The following SMYD2 variants were observed in gnomAD, a reference collection of about 807,000 sequenced individuals.
SMYD2 encodes the protein N-lysine methyltransferase SMYD2.
In SMYD2, 53 loss-of-function variants were observed where a neutral mutation model predicts 59.1. That is an observed-to-expected ratio of 0.90 (90% CI 0.72 to 1.13). The LOEUF (loss-of-function observed/expected upper bound fraction) is 1.13. Among genes scored for constraint, SMYD2 ranks in the 50% most tolerant of loss-of-function variants. SMYD2 has a pLI of 0.00. For synonymous variants in SMYD2, 208 were observed against 198.8 expected (o/e 1.05, Z -0.39); for missense variants, 494 against 544.7 (o/e 0.91, Z 0.93).
chr1:214,331,086 G>C lies in SMYD2; in HGVS notation c.937+16G>C. 1.2e-6 allele frequency: 2 copies of C among 1,612,210 alleles called. No individual in the cohort carries two copies. Among genetic ancestry groups the C allele is most frequent in the South Asian group, 1.1e-5 (1 of 91,008 alleles). On this transcript the variant is annotated intron_variant, in intron 9 of 11. Transcript: ENST00000366957. ...CACTATAAATATATCCTTTACAACT[G>C]CCCTGATAGCTTATTATCCCTCGCC...
intron 7 of SMYD2, among the ~76,000 whole-genome samples, chr1:214,328,477 G>A (rs1657297754): frequency 6.6e-6 from 1 of 152,048 alleles, no homozygotes; most frequent in East Asian, 1.9e-4. Flanking sequence ...CTCATGAGAC[G>A]TCTCACCTGG....
At chr1:214,311,945 C>A (rs1657004310) in intron 2 of SMYD2, among the ~76,000 whole-genome samples, 1 of 152,106 alleles carries the variant, frequency 6.6e-6, no homozygotes, top group African/African-American at 2.4e-5. Context: ...GTCCCCATAT[C>A]CTCTCAGGTA....
chr1:214,300,757 C>T lies in SMYD2; in HGVS notation c.174-4430C>T, dbSNP rs1571923004. ...ATTCTGCCACCTAGTTGCAGAATGA[C>T]CATGTTAGATTAGTTGTTTCATGTC... On this transcript the variant is annotated intron_variant, in intron 1 of 11. Coordinates refer to ENST00000366957, the MANE Select transcript of SMYD2 (RefSeq NM_020197.3). Among the ~76,000 whole-genome samples the T allele has an allele frequency of 2.0e-5, 3 of 152,136 alleles. No individual in the cohort carries two copies. The East Asian group carries it at 5.8e-4, about 29-fold the overall frequency.
chr1:214,288,461 C>G (rs1022722500), intron 1 of SMYD2, among the ~76,000 whole-genome samples: 1 of 152,130 alleles, frequency 6.6e-6, no homozygotes, highest in African/African-American at 2.4e-5. Context: ...CTTCCTGTGC[C>G]CCCCTTTGGC....
intron 1 of SMYD2, among the ~76,000 whole-genome samples, chr1:214,291,884 C>T (rs2102455038): frequency 6.6e-6 from 1 of 152,262 alleles, no homozygotes; most frequent in African/African-American, 2.4e-5. Flanking sequence ...CCTACCCATA[C>T]ACCTGAGTAA....
chr1:214,334,315 C>A lies in SMYD2; in HGVS notation c.1221+7C>A. ...GGAGAAAGCCCTGAAGAAGGTATGT[C>A]TGTAACTCGGCCTTAGGATTCCCAG... On this transcript the variant is annotated splice_region_variant and intron_variant, in intron 11 of 11. Coordinates refer to ENST00000366957, the MANE Select transcript of SMYD2 (RefSeq NM_020197.3). 1 of 1,612,184 alleles carries A rather than the reference C, an allele frequency of 6.2e-7. No individual in the cohort carries two copies. Among genetic ancestry groups the A allele is most frequent in the South Asian group, 1.1e-5 (1 of 91,010 alleles).
chr1:214,323,389 A>G (rs1657203718), intron 5 of SMYD2, among the ~76,000 whole-genome samples: 1 of 152,186 alleles, frequency 6.6e-6, no homozygotes. Context: ...GTTCTAAGTT[A>G]GGCTTCCAGA....
intron 1 of SMYD2, among the ~76,000 whole-genome samples, chr1:214,287,586 CAA>C (rs36187427): frequency 4.0e-5 from 3 of 75,526 alleles, no homozygotes; most frequent in Non-Finnish European, 4.7e-5. Context: ...GACTATGTCT[CAA>C]AAAAAAAAAA....
At chr1:214,334,647 G>A (rs1001261607) in intron 11 of SMYD2, among the ~76,000 whole-genome samples, 1 of 152,244 alleles carries the variant, frequency 6.6e-6, no homozygotes, top group African/African-American at 2.4e-5. Context: ...TGAAATCAAG[G>A]AGGTAGGATA....
chr1:214,312,160 G>A lies in SMYD2; in HGVS notation c.238-2602G>A, dbSNP rs553483380. On this transcript the variant is annotated intron_variant, in intron 2 of 11. Coordinates refer to ENST00000366957, the MANE Select transcript of SMYD2 (RefSeq NM_020197.3). The surrounding 1 kb of genome is among the most constrained non-coding windows in gnomAD (Gnocchi z 4.1). Reference sequence around the variant, plus strand: ...CTCCCTGCTCTTAGTTATATTTGGCGCGGCATTATTTAACTCTGCAGAACA... The same window carrying A: ...CTCCCTGCTCTTAGTTATATTTGGCACGGCATTATTTAACTCTGCAGAACA... 2.6e-5 allele frequency among the ~76,000 whole-genome samples: 4 copies of A among 152,214 alleles called. No homozygotes were observed. Among genetic ancestry groups the A allele is most frequent in the Admixed American group, 1.3e-4 (2 of 15,276 alleles).
chr1:214,290,611 A>T (rs150040558), intron 1 of SMYD2, among the ~76,000 whole-genome samples: 18 of 152,256 alleles, frequency 1.2e-4, no homozygotes, highest in African/African-American at 4.3e-4. Context: ...ACGCGGAGTC[A>T]CCATGGAGGA....
At chr1:214,322,267 C>T (rs1558055958) in intron 5 of SMYD2, among the ~76,000 whole-genome samples, 1 of 152,128 alleles carries the variant, frequency 6.6e-6, no homozygotes, top group Admixed American at 6.5e-5. Flanking sequence ...AGTATAATAC[C>T]GGATACAGGT....
At chr1:214,297,417 C>T (rs1375046996) in intron 1 of SMYD2, among the ~76,000 whole-genome samples, 3 of 151,876 alleles carry the variant, frequency 2.0e-5, no homozygotes, top group African/African-American at 7.3e-5. Flanking sequence ...GAAAAATTTA[C>T]GACTGTGTCT....
intron 1 of SMYD2, among the ~76,000 whole-genome samples, chr1:214,300,649 G>A (rs890102936): frequency 9.2e-5 from 14 of 152,248 alleles, no homozygotes; most frequent in East Asian, 1.9e-4. Context: ...TTTTTGCTGC[G>A]TGGAGTCTAC....
chr1:214,336,642 C>G lies in SMYD2; in HGVS notation c.1222-62C>G, dbSNP rs924804553. 3 of 1,495,466 alleles carry G rather than the reference C, an allele frequency of 2.0e-6. No individual in the cohort carries two copies. In the African/African-American group the frequency reaches 4.2e-5, roughly 21 times the overall value. 92.6% of individuals were successfully genotyped at this position (1,495,466 alleles called of 1,614,324 possible). Reference sequence around the variant, plus strand: ...CAGAGAGATCCAACTTAAAGTTACCCTGGGTGGAGGTGTGAGGAGATTGGC... The same window carrying G: ...CAGAGAGATCCAACTTAAAGTTACCGTGGGTGGAGGTGTGAGGAGATTGGC... On this transcript the variant is annotated intron_variant, in intron 11 of 11. Coordinates refer to ENST00000366957, the MANE Select transcript of SMYD2 (RefSeq NM_020197.3).
intron 1 of SMYD2, among the ~76,000 whole-genome samples, chr1:214,282,380 C>T (rs561969188): frequency 2.4e-4 from 36 of 152,304 alleles, no homozygotes; most frequent in African/African-American, 7.7e-4. Context: ...CTATTTCTCA[C>T]TGGTTAGGTG....
At chr1:214,310,982 C>CA (rs1300934455) in intron 2 of SMYD2, among the ~76,000 whole-genome samples, 2 of 152,094 alleles carry the variant, frequency 1.3e-5, no homozygotes, top group Non-Finnish European at 2.9e-5. Flanking sequence ...AATCCACCTT[C>CA]AAAAAAGAAA....
intron 1 of SMYD2, among the ~76,000 whole-genome samples, chr1:214,297,933 C>A (rs1381199311): frequency 6.6e-6 from 1 of 152,046 alleles, no homozygotes; most frequent in Admixed American, 6.5e-5. Context: ...ACATTCCATT[C>A]TCATGGATTG....
At chr1:214,330,069 C>T (rs574914972) in intron 7 of SMYD2, 99 bp from the exon 8 acceptor site, 1 of 707,350 alleles carries the variant, frequency 1.4e-6, no homozygotes, top group East Asian at 2.9e-5. Flanking sequence ...CCCGCCTTAT[C>T]CTCTGCATGG....
Sources: gnomAD v4.1 joint callset for allele counts (sites outside exome capture counted in the v4.1 genomes callset) on GRCh38, gnomAD v4.1.1 for gene constraint, Gnocchi (gnomAD v3.1) non-coding constraint, MANE v1.5 for transcripts, NCBI Gene and HGNC (gene_info 2026-07-23, HGNC 2026-07-21) for gene names.